Variants in SYNDIG1 observed in about 807,000 individuals in gnomAD.
The protein encoded by SYNDIG1 is synapse differentiation inducing 1.
In SYNDIG1, 9 loss-of-function variants were observed where a neutral mutation model predicts 19.4. The ratio of observed to expected loss-of-function variants is 0.46; its 90% CI spans 0.28 to 0.81. SYNDIG1 has a LOEUF of 0.81. SYNDIG1 is among the 30% of genes least tolerant of loss of function. SYNDIG1 has a pLI of 0.12. For missense variants in SYNDIG1, 311 were observed against 343.3 expected, an observed-to-expected ratio of 0.91 and a Z score of 0.74; for synonymous variants, 141 against 145.9, an observed-to-expected ratio of 0.97 and a Z score of 0.24.
intron 2 of SYNDIG1, among the ~76,000 whole-genome samples, chr20:24,577,440 C>T (rs1181671347): frequency 6.6e-6 from 1 of 152,202 alleles, no homozygotes. Flanking sequence ...CCAGCACTGG[C>T]CCTGCAAGGT....
chr20:24,626,172 ACCCCCCAC>A (rs2059128428), intron 3 of SYNDIG1, among the ~76,000 whole-genome samples: 1 of 127,834 alleles, frequency 7.8e-6, no homozygotes, highest in Non-Finnish European at 1.6e-5. Flanking sequence ...CAGGGGGCTG[ACCCCCCAC>A]CTCCCTCCCG....
rs114120907 is a variant in SYNDIG1 at position 24,536,645 on chromosome 20, G to C, written c.-78-6375G>C. 7.4e-3 allele frequency among the ~76,000 whole-genome samples: 1,132 copies of C among 152,232 alleles called. 12 individuals are homozygous for C. The highest frequency in any genetic ancestry group is 0.026 in the African/African-American group (1,084 of 41,530). On this transcript the variant is annotated intron_variant, in intron 1 of 3. Coordinates refer to ENST00000376862, the MANE Select transcript of SYNDIG1 (RefSeq NM_024893.3). Reference sequence around the variant, plus strand: ...AACAGCCTTCCACACACAGCCTGGAGAAGTGTCTGTACCTGAGAGGGACAA... The same window carrying C: ...AACAGCCTTCCACACACAGCCTGGACAAGTGTCTGTACCTGAGAGGGACAA...
chr20:24,604,473 AT>A (rs1287960703), intron 3 of SYNDIG1, among the ~76,000 whole-genome samples: 2 of 152,186 alleles, frequency 1.3e-5, no homozygotes, highest in East Asian at 3.9e-4. Flanking sequence ...ACTGCTCATT[AT>A]ATGCTAATTA....
chr20:24,522,260 TA>T lies in SYNDIG1; in HGVS notation c.-78-20755del, dbSNP rs553160763. Among the ~76,000 whole-genome samples, 5 of 152,202 alleles carry T rather than the reference TA, an allele frequency of 3.3e-5. No homozygotes were observed. In the South Asian group the frequency reaches 1.0e-3, roughly 32 times the overall value. On this transcript the variant is annotated intron_variant, in intron 1 of 3. Transcript: ENST00000376862. ...ATAGGTGCATATGCCTGGCCAGCTT[TA>T]AAAATTTTTTGTAGAGATGGGGTCT...
At chr20:24,537,811 G>A (rs117722698) in intron 1 of SYNDIG1, among the ~76,000 whole-genome samples, 3,150 of 152,208 alleles carry the variant, frequency 0.021, 44 homozygotes, top group Middle Eastern at 0.044. Flanking sequence ...TGTTTCTGCC[G>A]TCACCTGTGG....
chr20:24,481,621 T>G (rs935538457), intron 1 of SYNDIG1, among the ~76,000 whole-genome samples: 1 of 152,150 alleles, frequency 6.6e-6, no homozygotes, highest in Non-Finnish European at 1.5e-5. Context: ...GACCCCACTT[T>G]TGAAGGGAGG....
chr20:24,587,709 G>C (rs1319415100), intron 3 of SYNDIG1, among the ~76,000 whole-genome samples: 1 of 152,238 alleles, frequency 6.6e-6, no homozygotes, highest in East Asian at 1.9e-4. Context: ...CTCTGCCGCA[G>C]TGGCCAGCAC....
intron 3 of SYNDIG1, among the ~76,000 whole-genome samples, chr20:24,619,501 C>A (rs2147224521): frequency 6.6e-6 from 1 of 152,342 alleles, no homozygotes; most frequent in Admixed American, 6.5e-5. Flanking sequence ...ATAAGAGAGA[C>A]AAGTCTGCCA....
Position 24,620,647 on chromosome 20 carries a change from A to T in SYNDIG1, c.618+35654A>T, listed in dbSNP as rs146273467. On this transcript the variant is annotated intron_variant, in intron 3 of 3. Transcript: ENST00000376862. ...CTGGTCAAGGCATTCATAGGAGGAG[A>T]CATAGATGTCAAGGCTCTGGAAGAT... 6.4e-3 allele frequency among the ~76,000 whole-genome samples: 968 copies of T among 152,310 alleles called. 10 individuals are homozygous for T. Among genetic ancestry groups the T allele is most frequent in the African/African-American group, 0.022 (915 of 41,558 alleles).
chr20:24,650,759 G>A (rs545476560), intron 3 of SYNDIG1, among the ~76,000 whole-genome samples: 7 of 152,226 alleles, frequency 4.6e-5, no homozygotes, highest in Non-Finnish European at 1.0e-4. Flanking sequence ...AAAATGCAAT[G>A]TATCTTGTAC....
intron 3 of SYNDIG1, among the ~76,000 whole-genome samples, chr20:24,654,654 A>AGGG (rs2059505953): frequency 2.6e-5 from 2 of 76,146 alleles, no homozygotes; most frequent in Non-Finnish European, 6.0e-5. Flanking sequence ...GGGAGGGAGG[A>AGGG]AGGAAGGAAG....
intron 2 of SYNDIG1, among the ~76,000 whole-genome samples, chr20:24,550,195 A>G (rs1170174419): frequency 6.6e-6 from 1 of 152,172 alleles, no homozygotes. Flanking sequence ...CTATCAGTGT[A>G]CAACTACCCC....
intron 2 of SYNDIG1, among the ~76,000 whole-genome samples, chr20:24,558,691 CTG>C (rs1318078068): frequency 2.6e-5 from 4 of 152,114 alleles, no homozygotes; most frequent in African/African-American, 9.7e-5. Flanking sequence ...GATATTTTAA[CTG>C]TATTGTTATT....
At chr20:24,625,607 C>T (rs1478096577) in intron 3 of SYNDIG1, among the ~76,000 whole-genome samples, 1 of 151,936 alleles carries the variant, frequency 6.6e-6, no homozygotes, top group Non-Finnish European at 1.5e-5. Context: ...TAACAAAGCA[C>T]ATCTTGCACC....
intron 2 of SYNDIG1, among the ~76,000 whole-genome samples, chr20:24,576,220 A>G (rs538364515): frequency 6.6e-6 from 1 of 152,238 alleles, no homozygotes; most frequent in East Asian, 1.9e-4. Context: ...AATATGTTGC[A>G]ATTAGAAATA....
At chr20:24,502,905 G>T (rs765010353) in intron 1 of SYNDIG1, among the ~76,000 whole-genome samples, 5 of 152,350 alleles carry the variant, frequency 3.3e-5, no homozygotes, top group South Asian at 4.1e-4. Context: ...TGGGAGTTTT[G>T]TCTTTGCATT....
chr20:24,472,693 A>G (rs1363675061), intron 1 of SYNDIG1, among the ~76,000 whole-genome samples: 3 of 152,126 alleles, frequency 2.0e-5, no homozygotes, highest in Admixed American at 6.5e-5. Flanking sequence ...TGTGACTTCT[A>G]CTGTCTGGAG....
intron 1 of SYNDIG1, among the ~76,000 whole-genome samples, chr20:24,527,891 C>G (rs2057161391): frequency 6.6e-6 from 1 of 152,194 alleles, no homozygotes; most frequent in Admixed American, 6.5e-5. Context: ...GATTCAAATG[C>G]ATGCTTAAAT....
chr20:24,525,400 T>C (rs2057102530), intron 1 of SYNDIG1, among the ~76,000 whole-genome samples: 1 of 149,804 alleles, frequency 6.7e-6, no homozygotes, highest in African/African-American at 2.5e-5. Flanking sequence ...CAAGCAATTC[T>C]CCACCTCCCG....
Sources: gnomAD v4.1 joint callset for allele counts (sites outside exome capture counted in the v4.1 genomes callset) on GRCh38, gnomAD v4.1.1 for gene constraint, MANE v1.5 for transcripts, NCBI Gene and HGNC (gene_info 2026-07-23, HGNC 2026-07-21) for gene names.